RBFOX1: variants seen among roughly 807,000 people sequenced by gnomAD.
The protein encoded by RBFOX1 is RNA binding fox-1 homolog 1, also known as RNA binding protein fox-1 homolog 1.
Under a neutral mutation model 57.7 loss-of-function variants are expected in RBFOX1, and 8 were observed. The observed-to-expected ratio is 0.14, with a 90% CI of 0.08 to 0.25. The LOEUF is 0.25. RBFOX1 is among the 10% of genes least tolerant of loss of function. The pLI is 1.00. For synonymous variants in RBFOX1, 326 were observed against 222.4 expected (o/e 1.47, Z -4.15); for missense variants, 611 against 548.5 (o/e 1.11, Z -1.14).
At chr16:5,686,984 T>C (rs529870204) in intron 3 of RBFOX1, among the ~76,000 whole-genome samples, 7 of 152,162 alleles carry the variant, frequency 4.6e-5, no homozygotes, top group Non-Finnish European at 8.8e-5. Flanking sequence ...TCAAAGTCAT[T>C]GCATTTTGGG....
intron 3 of RBFOX1, among the ~76,000 whole-genome samples, chr16:6,658,496 C>T (rs2098677078): frequency 6.6e-6 from 1 of 152,150 alleles, no homozygotes; most frequent in East Asian, 1.9e-4. Context: ...CATGAGCCAC[C>T]ACACCCGGCC....
intron 4 of RBFOX1, among the ~76,000 whole-genome samples, chr16:7,321,252 G>A (rs572569229): frequency 6.6e-6 from 1 of 152,144 alleles, no homozygotes; most frequent in East Asian, 1.9e-4. Context: ...TAAAGCGATT[G>A]TCCTGCATCA....
chr16:7,638,425 C>T (rs112445246), intron 11 of RBFOX1, among the ~76,000 whole-genome samples: 2 of 1,344 alleles, frequency 1.5e-3, no homozygotes, highest in Non-Finnish European at 0.028. Flanking sequence ...TCTCAACTTA[C>T]CCCAGAGGCT....
chr16:7,484,431 C>A (rs1599640680), intron 4 of RBFOX1, among the ~76,000 whole-genome samples: 1 of 152,032 alleles, frequency 6.6e-6, no homozygotes, highest in Non-Finnish European at 1.5e-5. Context: ...AGTGGCTGTG[C>A]CATTTTGCTT....
intron 4 of RBFOX1, among the ~76,000 whole-genome samples, chr16:7,210,027 C>A (rs1352134954): frequency 6.6e-6 from 1 of 152,144 alleles, no homozygotes; most frequent in African/African-American, 2.4e-5. Flanking sequence ...CCAGTGAAAA[C>A]CAGGGATAGC....
intron 3 of RBFOX1, among the ~76,000 whole-genome samples, chr16:6,875,584 G>T (rs1224846834): frequency 1.3e-5 from 2 of 152,210 alleles, no homozygotes; most frequent in Non-Finnish European, 2.9e-5. Flanking sequence ...TAGTAGATGT[G>T]TTAAGACCTT....
intron 1 of RBFOX1, among the ~76,000 whole-genome samples, chr16:6,196,627 A>G (rs1007059492): frequency 1.2e-4 from 19 of 152,144 alleles, no homozygotes; most frequent in African/African-American, 3.9e-4. Flanking sequence ...ATAACATGCA[A>G]TTCCAGCAGT....
chr16:6,197,479 G>T (rs558805609), intron 1 of RBFOX1, among the ~76,000 whole-genome samples: 1 of 151,976 alleles, frequency 6.6e-6, no homozygotes, highest in African/African-American at 2.4e-5. Context: ...TATCATCCCT[G>T]CTCCACCTGA....
chr16:6,900,612 C>T (rs1026628583), intron 3 of RBFOX1, among the ~76,000 whole-genome samples: 3 of 152,210 alleles, frequency 2.0e-5, no homozygotes, highest in African/African-American at 4.8e-5. Flanking sequence ...CTGAGTGTCA[C>T]AGCAGATGCT....
rs569551426 is a variant in RBFOX1, at chr16:7,205,816, A to G, written c.27+153718A>G. Among the ~76,000 whole-genome samples the G allele has an allele frequency of 2.0e-5, 3 of 152,368 alleles. No individual in the cohort carries two copies. In the South Asian group the frequency reaches 6.2e-4, roughly 32 times the overall value. On this transcript the variant is annotated intron_variant, in intron 4 of 15. Transcript: ENST00000550418. ...TCTGTATGAGGTGAATTGAAACCTT[A>G]CCACTGAGAGAACTGTGTGTAGTAA...
chr16:7,643,275 G>A (rs1016526365), intron 11 of RBFOX1, among the ~76,000 whole-genome samples: 7 of 152,132 alleles, frequency 4.6e-5, no homozygotes, highest in Admixed American at 1.3e-4. Flanking sequence ...CACCAGACTC[G>A]TTGCTCAGAG....
intron 1 of RBFOX1, among the ~76,000 whole-genome samples, chr16:6,034,915 C>T (rs926986756): frequency 7.1e-6 from 1 of 141,594 alleles, no homozygotes; most frequent in Admixed American, 7.0e-5. Flanking sequence ...ACACTCAGGG[C>T]CTCTAGGCTT....
At chr16:7,359,552 A>G (rs1323662777) in intron 4 of RBFOX1, among the ~76,000 whole-genome samples, 2 of 152,210 alleles carry the variant, frequency 1.3e-5, no homozygotes, top group Non-Finnish European at 2.9e-5. Flanking sequence ...TGTGTGAATC[A>G]TCTGAAGTAC....
intron 3 of RBFOX1, among the ~76,000 whole-genome samples, chr16:6,715,512 A>G (rs554869398): frequency 9.9e-5 from 15 of 152,282 alleles, no homozygotes; most frequent in Admixed American, 7.2e-4. Context: ...TTGTGTCCCA[A>G]CCAATTTATT....
Position 7,174,242 on chromosome 16 carries a change from T to G in RBFOX1, c.27+122144T>G, listed in dbSNP as rs574871275. ...AGGTTCATCCATGTGGATGCATGTA[T>G]CACTACTTTGTTTCTTTATTATTGA... On this transcript the variant is annotated intron_variant, in intron 4 of 15. Coordinates refer to ENST00000550418, the MANE Select transcript of RBFOX1 (RefSeq NM_018723.4). Among the ~76,000 whole-genome samples, 21 of 152,316 alleles carry G rather than the reference T, an allele frequency of 1.4e-4. No homozygotes were observed. In the East Asian group the frequency reaches 2.9e-3, roughly 21 times the overall value.
At chr16:5,632,297 C>G (rs2048536323) in intron 3 of RBFOX1, among the ~76,000 whole-genome samples, 1 of 152,230 alleles carries the variant, frequency 6.6e-6, no homozygotes, top group South Asian at 2.1e-4. Context: ...CTGCTGGGTT[C>G]CCAACCCACA....
At chr16:6,235,500 C>A (rs1272230173) in intron 1 of RBFOX1, among the ~76,000 whole-genome samples, 1 of 151,696 alleles carries the variant, frequency 6.6e-6, no homozygotes, top group Non-Finnish European at 1.5e-5. Flanking sequence ...ATAGAACCAG[C>A]CCAAATGCCC....
intron 3 of RBFOX1, among the ~76,000 whole-genome samples, chr16:7,038,916 G>C (rs1439611942): frequency 6.6e-6 from 1 of 152,164 alleles, no homozygotes; most frequent in Non-Finnish European, 1.5e-5. Flanking sequence ...CAAATTCTGT[G>C]GGCATCCTGA....
intron 4 of RBFOX1, among the ~76,000 whole-genome samples, chr16:7,396,142 G>C (rs1026391463): frequency 1.3e-5 from 2 of 152,032 alleles, no homozygotes; most frequent in African/African-American, 4.8e-5. Flanking sequence ...AATAACCAGG[G>C]CGGAAGGAGG....
Sources: allele counts gnomAD v4.1 joint callset (sites outside exome capture counted in the v4.1 genomes callset), GRCh38; gene constraint gnomAD v4.1.1; transcripts MANE v1.5; gene names NCBI Gene and HGNC (gene_info 2026-07-23, HGNC 2026-07-21).